The following NFIX variants were observed in gnomAD, a reference collection of about 807,000 sequenced individuals.
NFIX encodes the protein nuclear factor 1 X-type.
Under a neutral mutation model 53.3 loss-of-function variants are expected in NFIX, and 2 were observed. The observed-to-expected ratio is 0.04, with a 90% CI of 0.02 to 0.12. The LOEUF is 0.12. NFIX is among the 10% of genes least tolerant of loss of function. The pLI, the probability that NFIX is intolerant of heterozygous loss-of-function variation, is 1.00. For synonymous variants in NFIX, 244 were observed against 289.0 expected, an observed-to-expected ratio of 0.84 and a Z score of 1.58; for missense variants, 310 against 674.5, an observed-to-expected ratio of 0.46 and a Z score of 5.99.
rs1244355802 is a variant in NFIX at position 12,998,643 on chromosome 19, A to G, written c.27+2779A>G. ...CCTGCCAAGAAACAGAGACACAACC[A>G]GGATGTGAACTCACGTACACCACCA... is the stretch of plus-strand genomic sequence containing the variant. On this transcript the variant is annotated intron_variant, in intron 1 of 10. Coordinates refer to ENST00000592199, the MANE Select transcript of NFIX (RefSeq NM_001365902.3). The surrounding 1 kb of genome is among the most constrained non-coding windows in gnomAD (Gnocchi z 4.4). Among the ~76,000 whole-genome samples, 2 of 152,130 alleles carry G rather than the reference A, an allele frequency of 1.3e-5. No individual in the cohort carries two copies. The highest frequency in any genetic ancestry group is 2.4e-5 in the African/African-American group (1 of 41,414).
At position 12,996,521 on chromosome 19, in the gene NFIX, G is replaced by A. The variant is rs1327602488; in HGVS notation, c.27+657G>A. On this transcript the variant is annotated intron_variant, in intron 1 of 10. Transcript: ENST00000592199. This position sits in a 1 kb window ranked among gnomAD's most constrained non-coding sequence, Gnocchi z 5.2. ...GGCTCCCAAATTTCGGAGGGGCAGG[G>A]GAGGGGAGAGGGGGGCGGGCGCGCT... is the stretch of plus-strand genomic sequence containing the variant. 6.6e-6 allele frequency among the ~76,000 whole-genome samples: 1 copy of A among 152,136 alleles called. No homozygotes were observed.
At position 13,073,652 on chromosome 19, in the gene NFIX, TAG is replaced by T. The variant is rs2016900969; in HGVS notation, c.697+159_697+160del. ...TTCACTGGTGCTGGGCTGGGTACAA[TAG>T]AGTCTTCCAGAGAGGCCTGTCTCCA... On this transcript the variant is annotated intron_variant, in intron 4 of 10. Coordinates refer to ENST00000592199, the MANE Select transcript of NFIX (RefSeq NM_001365902.3). The surrounding 1 kb of genome is among the most constrained non-coding windows in gnomAD (Gnocchi z 4.5). Among the ~76,000 whole-genome samples the T allele has an allele frequency of 6.6e-6, 1 of 152,140 alleles. No individual in the cohort carries two copies. Among genetic ancestry groups the T allele is most frequent in the Non-Finnish European group, 1.5e-5 (1 of 68,022 alleles).
In NFIX at chr19:13,012,897, T is replaced by C. The variant is rs1029024190; in HGVS notation, c.28-12124T>C. Among the ~76,000 whole-genome samples the C allele has an allele frequency of 7.3e-5, 11 of 151,298 alleles. No individual in the cohort carries two copies. The highest frequency in any genetic ancestry group is 1.5e-4 in the Non-Finnish European group (10 of 67,870). ...CCCCGAGCCTTCTCTTTTGGGGGAG[T>C]AAAGGCGGGGAAATTTACCAGGGGA... On this transcript the variant is annotated intron_variant, in intron 1 of 10. Transcript: ENST00000592199. This position sits in a 1 kb window ranked among gnomAD's most constrained non-coding sequence, Gnocchi z 5.0.
chr19:13,054,100 G>A (rs1599795163), intron 2 of NFIX, among the ~76,000 whole-genome samples: 2 of 152,168 alleles, frequency 1.3e-5, no homozygotes, highest in Admixed American at 1.3e-4. Flanking sequence ...GCTCAGAGCA[G>A]TCCCCTCTCC....
At chr19:12,997,308 G>A (rs2145121355) in intron 1 of NFIX, among the ~76,000 whole-genome samples, 1 of 152,378 alleles carries the variant, frequency 6.6e-6, no homozygotes, top group Middle Eastern at 3.4e-3. Flanking sequence ...GAGTCTGTGT[G>A]TAGCCCCTGT....
Position 13,052,998 on chromosome 19 carries a change from C to G in NFIX, c.560-20049C>G, listed in dbSNP as rs554102596. ...GCTGGTACTGCCTCTGGCCATCCAG[C>G]CTTAAGACGTCCCTTCCTTCCGTGT... On this transcript the variant is annotated intron_variant, in intron 2 of 10. Transcript: ENST00000592199. The surrounding 1 kb of genome is among the most constrained non-coding windows in gnomAD (Gnocchi z 5.2). Among the ~76,000 whole-genome samples the G allele has an allele frequency of 6.6e-6, 1 of 152,352 alleles. No homozygotes were observed. Among genetic ancestry groups the G allele is most frequent in the South Asian group, 2.1e-4 (1 of 4,832 alleles).
Position 13,081,810 on chromosome 19 carries a change from T to C in NFIX, c.1209T>C (p.Phe403=). Residue 403 remains phenylalanine, a synonymous_variant, in exon 8 of 11, where the codon TTT becomes TTC. Coordinates refer to ENST00000592199, the MANE Select transcript of NFIX (RefSeq NM_001365902.3). The surrounding 1 kb of genome is among the most constrained non-coding windows in gnomAD (Gnocchi z 4.7). ...HHHGQDSLKE[F]VQFVCSDGSG... ...ACGGGCAGGACTCACTGAAGGAGTT[T>C]GTGCAGTTTGTGTGCTCGGATGGCT... 2 of 1,613,950 alleles carry C rather than the reference T, an allele frequency of 1.2e-6. No individual in the cohort carries two copies. The highest frequency in any genetic ancestry group is 1.7e-6 in the Non-Finnish European group (2 of 1,179,892).
rs141626046 is a variant in NFIX, at chr19:13,053,781, C to G, written c.560-19266C>G. ...CCCCAAGGGCTCCCTCCCTGGGAGT[C>G]TGGGGCCTGATAGAAGAACCTGCCA... On this transcript the variant is annotated intron_variant, in intron 2 of 10. Transcript: ENST00000592199. Among the ~76,000 whole-genome samples, 68 of 152,208 alleles carry G rather than the reference C, an allele frequency of 4.5e-4. 2 individuals are homozygous for G. In the East Asian group the frequency reaches 0.013, roughly 29 times the overall value.
In NFIX at chr19:13,002,249, C is replaced by T. The variant is rs1306532644; in HGVS notation, c.27+6385C>T. Reference sequence around the variant, plus strand: ...CCTCCCCTCCTCCCCTCCTCCCGCTCCCTCTCTCCCTCTCTCTCTCCTCCT... The same window carrying T: ...CCTCCCCTCCTCCCCTCCTCCCGCTTCCTCTCTCCCTCTCTCTCTCCTCCT... On this transcript the variant is annotated intron_variant, in intron 1 of 10. Transcript: ENST00000592199. The surrounding 1 kb of genome is among the most constrained non-coding windows in gnomAD (Gnocchi z 6.1). 6.6e-6 allele frequency among the ~76,000 whole-genome samples: 1 copy of T among 151,878 alleles called. No homozygotes were observed. The highest frequency in any genetic ancestry group is 1.5e-5 in the Non-Finnish European group (1 of 67,918).
At chr19:13,004,210 T>C (rs750374384) in intron 1 of NFIX, among the ~76,000 whole-genome samples, 9 of 151,844 alleles carry the variant, frequency 5.9e-5, no homozygotes, top group Non-Finnish European at 2.9e-5. Flanking sequence ...ATGTCAGTAG[T>C]GCCAAGGTTG....
chr19:13,057,813 T>C (rs1437703956), intron 2 of NFIX, among the ~76,000 whole-genome samples: 2 of 150,126 alleles, frequency 1.3e-5, no homozygotes, highest in African/African-American at 5.0e-5. Context: ...AGGCAGCCCC[T>C]CCCTTCCTCC....
At chr19:13,053,449 A>G (rs969651965) in intron 2 of NFIX, among the ~76,000 whole-genome samples, 43 of 152,150 alleles carry the variant, frequency 2.8e-4, no homozygotes, top group Admixed American at 2.8e-3. Context: ...GGGGAAGGGG[A>G]GAGGAAATGT....
In NFIX at chr19:13,009,400, CAG is replaced by C. The variant is rs760758703; in HGVS notation, c.27+13539_27+13540del. 7.2e-5 allele frequency among the ~76,000 whole-genome samples: 11 copies of C among 152,172 alleles called. No individual in the cohort carries two copies. The highest frequency in any genetic ancestry group is 1.5e-4 in the Non-Finnish European group (10 of 68,030). On this transcript the variant is annotated intron_variant, in intron 1 of 10. Coordinates refer to ENST00000592199, the MANE Select transcript of NFIX (RefSeq NM_001365902.3). This position sits in a 1 kb window ranked among gnomAD's most constrained non-coding sequence, Gnocchi z 4.7. ...GTAACCTGTTTTACAGATGAGGAAA[CAG>C]AGGCCGCAAGGTCAAGTGCCAAGGT... is the stretch of plus-strand genomic sequence containing the variant.
rs1599894120 is a variant in NFIX, at chr19:13,095,600, T to A, written c.*951T>A. Reference sequence around the variant, plus strand: ...GCCCTCGCTCCGCCCCATCAGTTCCTGCCCCTGCCCCTCATGCAGACTGCC... The same window carrying A: ...GCCCTCGCTCCGCCCCATCAGTTCCAGCCCCTGCCCCTCATGCAGACTGCC... On this transcript the variant is annotated 3_prime_UTR_variant, in exon 11 of 11. Coordinates refer to ENST00000592199, the MANE Select transcript of NFIX (RefSeq NM_001365902.3). 6.6e-6 allele frequency: 1 copy of A among 152,422 alleles called. No individual in the cohort carries two copies. The highest frequency in any genetic ancestry group is 1.5e-5 in the Non-Finnish European group (1 of 68,036). The allele number at this position is 152,422 out of a possible 1,614,324, so 9.4% of individuals were successfully genotyped here. A position where few individuals can be genotyped will look rare whatever the true frequency, so the allele number is the denominator to read the frequency against.
At position 13,081,562 on chromosome 19, in the gene NFIX, C is replaced by T; in HGVS notation, c.1079-118C>T. On this transcript the variant is annotated intron_variant, in intron 7 of 10. Transcript: ENST00000592199. This position sits in a 1 kb window ranked among gnomAD's most constrained non-coding sequence, Gnocchi z 4.7. The stretch of plus-strand genomic sequence containing the variant: ...TTAACTTTTGTGCCTGTGGCGGCTG[C>T]CTTACCTGCTCAGGATCCTCAGGAC... The T allele has an allele frequency of 9.6e-7, 1 of 1,044,886 alleles. No homozygotes were observed. The highest frequency in any genetic ancestry group is 1.3e-6 in the Non-Finnish European group (1 of 742,042). 64.7% of individuals were successfully genotyped at this position (1,044,886 alleles called of 1,614,324 possible).
At chr19:13,055,198 A>G (rs79700067) in intron 2 of NFIX, among the ~76,000 whole-genome samples, 1,949 of 151,010 alleles carry the variant, frequency 0.013, 45 homozygotes, top group African/African-American at 0.045. Flanking sequence ...CCTGGGCCCC[A>G]TCCAAGCGCC....
chr19:13,000,836 A>C (rs536730603), intron 1 of NFIX, among the ~76,000 whole-genome samples: 1 of 152,338 alleles, frequency 6.6e-6, no homozygotes, highest in South Asian at 2.1e-4. Context: ...ATCAGGGCAC[A>C]TTGCGGGTGG....
At chr19:13,086,048 C>T (rs574838510) in intron 8 of NFIX, among the ~76,000 whole-genome samples, 63 of 152,300 alleles carry the variant, frequency 4.1e-4, no homozygotes, top group African/African-American at 1.5e-3. Flanking sequence ...GAGGGGACAG[C>T]GTTTTTTGAG....
chr19:13,066,984 G>A lies in NFIX; in HGVS notation c.560-6063G>A, dbSNP rs983819671. On this transcript the variant is annotated intron_variant, in intron 2 of 10. Coordinates refer to ENST00000592199, the MANE Select transcript of NFIX (RefSeq NM_001365902.3). This position sits in a 1 kb window ranked among gnomAD's most constrained non-coding sequence, Gnocchi z 4.2. ...CCCCTTAGCCCCCCATCTATCCACC[G>A]TTCCCCTCCTCAGGGTGTCTCAGAT... 3.3e-5 allele frequency among the ~76,000 whole-genome samples: 5 copies of A among 152,116 alleles called. No individual in the cohort carries two copies. The highest frequency in any genetic ancestry group is 5.9e-5 in the Non-Finnish European group (4 of 68,012).
Sources: gnomAD v4.1 joint callset for allele counts (sites outside exome capture counted in the v4.1 genomes callset) on GRCh38, gnomAD v4.1.1 for gene constraint, Gnocchi (gnomAD v3.1) non-coding constraint, MANE v1.5 for transcripts, NCBI Gene and HGNC (gene_info 2026-07-23, HGNC 2026-07-21) for gene names.